COL5A2: variants seen among roughly 807,000 people sequenced by gnomAD.
COL5A2 encodes the protein collagen type V alpha 2 chain.
In COL5A2, 23 loss-of-function variants were observed where a neutral mutation model predicts 208.2. That is an observed-to-expected ratio of 0.11 (90% confidence interval 0.08 to 0.16). COL5A2 has a LOEUF of 0.16. COL5A2 is among the 10% of genes least tolerant of loss of function. The probability of loss-of-function intolerance (pLI) is 1.00; values close to 1 mark genes in which losing one functional copy is unlikely to be tolerated. For synonymous variants in COL5A2, 625 were observed against 628.5 expected, an observed-to-expected ratio of 0.99 and a Z score of 0.08; for missense variants, 1,590 against 1,956.4, an observed-to-expected ratio of 0.81 and a Z score of 3.53.
the COL5A2 span, among the ~76,000 whole-genome samples, chr2:189,413,741 T>C: frequency 1.2e-3 from 179 of 151,156 alleles, 2 homozygotes; most frequent in African/African-American, 3.2e-3. Flanking sequence ...CTTAAAATGA[T>C]TGATGAAAGA....
intron 2 of COL5A2, among the ~76,000 whole-genome samples, chr2:189,106,994 T>TA (rs904031807): frequency 6.6e-6 from 1 of 151,322 alleles, no homozygotes; most frequent in Admixed American, 6.6e-5. Context: ...TTTAGAATTG[T>TA]AAAAAAAATT....
At chr2:189,043,495 G>A (rs1242721961) in intron 47 of COL5A2, among the ~76,000 whole-genome samples, 1 of 151,912 alleles carries the variant, frequency 6.6e-6, no homozygotes, top group East Asian at 1.9e-4. Flanking sequence ...CTTTTCTGAA[G>A]ATTTATTTTT....
the COL5A2 span, among the ~76,000 whole-genome samples, chr2:189,281,632 T>C: frequency 7.1e-3 from 1,079 of 152,310 alleles, 16 homozygotes; most frequent in African/African-American, 0.024. Flanking sequence ...TTGCCAGTAA[T>C]AACATCTCTA....
At chr2:189,158,528 G>A (rs1470525805) in intron 1 of COL5A2, among the ~76,000 whole-genome samples, 1 of 151,970 alleles carries the variant, frequency 6.6e-6, no homozygotes, top group East Asian at 1.9e-4. Flanking sequence ...AAATCAATAT[G>A]TTAGAATATA....
intron 17 of COL5A2, among the ~76,000 whole-genome samples, chr2:189,074,653 T>C (rs1271128894): frequency 6.6e-6 from 1 of 152,212 alleles, no homozygotes; most frequent in African/African-American, 2.4e-5. Flanking sequence ...ACAAACGGTA[T>C]GCTGTTCCTC....
chr2:189,256,872 C>T, the COL5A2 span, among the ~76,000 whole-genome samples: 1 of 152,220 alleles, frequency 6.6e-6, no homozygotes, highest in South Asian at 2.1e-4. Context: ...TCATGACCTG[C>T]CTGCCTCGGC....
At chr2:189,384,829 A>G in the COL5A2 span, among the ~76,000 whole-genome samples, 1 of 152,130 alleles carries the variant, frequency 6.6e-6, no homozygotes, top group African/African-American at 2.4e-5. Context: ...GCATAAACCA[A>G]TGTTCTGTAT....
chr2:189,076,574 C>T (rs1386565735), intron 16 of COL5A2, among the ~76,000 whole-genome samples: 1 of 152,098 alleles, frequency 6.6e-6, no homozygotes, highest in Non-Finnish European at 1.5e-5. Context: ...CAAAGTAAGA[C>T]TCCTTGGCAG....
chr2:189,133,652 T>C (rs907952145), intron 1 of COL5A2, among the ~76,000 whole-genome samples: 5 of 152,050 alleles, frequency 3.3e-5, no homozygotes, highest in East Asian at 1.9e-4. Context: ...CAGGGAAAGA[T>C]TCCATGCAGC....
chr2:189,222,254 T>C (rs1323726712), intron 1 of COL5A2, among the ~76,000 whole-genome samples: 1 of 152,126 alleles, frequency 6.6e-6, no homozygotes, highest in Non-Finnish European at 1.5e-5. Flanking sequence ...CTGATAAAAG[T>C]GGAAATTCTT....
chr2:189,293,007 A>G, the COL5A2 span, among the ~76,000 whole-genome samples: 14 of 152,116 alleles, frequency 9.2e-5, no homozygotes, highest in Non-Finnish European at 1.6e-4. Flanking sequence ...CGCAAGAACA[A>G]AAAACCAAAC....
At chr2:189,326,956 A>G in the COL5A2 span, among the ~76,000 whole-genome samples, 1 of 151,650 alleles carries the variant, frequency 6.6e-6, no homozygotes, top group African/African-American at 2.4e-5. Context: ...CTGTAATCCC[A>G]GATACTCGGC....
chr2:189,120,602 T>TATC (rs1394595914), intron 1 of COL5A2, among the ~76,000 whole-genome samples: 7 of 152,206 alleles, frequency 4.6e-5, no homozygotes, highest in Non-Finnish European at 1.0e-4. Context: ...CTTATGAGTA[T>TATC]ATCATCTATT....
At chr2:189,049,805 A>G (rs764219442) in intron 43 of COL5A2, among the ~76,000 whole-genome samples, 17 of 152,068 alleles carry the variant, frequency 1.1e-4, no homozygotes, top group African/African-American at 2.4e-5. Flanking sequence ...TTTTATTTCT[A>G]TATTCTGATA....
chr2:189,112,661 T>G (rs1559109975), intron 1 of COL5A2, among the ~76,000 whole-genome samples: 1 of 152,214 alleles, frequency 6.6e-6, no homozygotes, highest in South Asian at 2.1e-4. Flanking sequence ...ATTAAAAGAC[T>G]TGTATCACAT....
intron 18 of COL5A2, among the ~76,000 whole-genome samples, chr2:189,069,940 C>T (rs931128923): frequency 6.6e-6 from 1 of 152,002 alleles, no homozygotes; most frequent in Non-Finnish European, 1.5e-5. Context: ...ATTTTTAAAC[C>T]AAAGAAACAA....
intron 1 of COL5A2, among the ~76,000 whole-genome samples, chr2:189,146,423 T>C (rs938282692): frequency 9.9e-5 from 15 of 152,182 alleles, no homozygotes; most frequent in East Asian, 5.8e-4. Context: ...AGAATGCACA[T>C]TGGAGTACAA....
At chr2:189,426,808 G>A in the COL5A2 span, among the ~76,000 whole-genome samples, 1 of 152,180 alleles carries the variant, frequency 6.6e-6, no homozygotes, top group Non-Finnish European at 1.5e-5. Context: ...AAATTTCTAA[G>A]CAGCAAAACA....
chr2:189,062,184 ATTT>A (rs11322627), intron 29 of COL5A2, among the ~76,000 whole-genome samples: 13 of 131,148 alleles, frequency 9.9e-5, no homozygotes, highest in Non-Finnish European at 1.2e-4. Context: ...ACCTTAAATA[ATTT>A]TTTTTTTTTT....
Sources: gnomAD v4.1 joint callset for allele counts (sites outside exome capture counted in the v4.1 genomes callset) on GRCh38, gnomAD v4.1.1 for gene constraint, MANE v1.5 for transcripts, NCBI Gene and HGNC (gene_info 2026-07-23, HGNC 2026-07-21) for gene names.